Variants in ENTHD1 observed in about 807,000 individuals in gnomAD.
The protein encoded by ENTHD1 is ENTH domain-containing protein 1.
Under a neutral mutation model 39.1 loss-of-function variants are expected in ENTHD1, and 23 were observed. The observed-to-expected ratio is 0.59, with a 90% CI of 0.42 to 0.83. The LOEUF is 0.83. Among genes scored for constraint, ENTHD1 ranks in the 40% least tolerant of loss-of-function variants. ENTHD1 has a pLI of 0.00. For synonymous variants in ENTHD1, 230 were observed against 258.2 expected (o/e 0.89, Z 1.05); for missense variants, 624 against 705.4 (o/e 0.88, Z 1.31).
At chr22:39,868,376 A>G (rs1031989225) in intron 2 of ENTHD1, among the ~76,000 whole-genome samples, 3 of 151,968 alleles carry the variant, frequency 2.0e-5, no homozygotes, top group African/African-American at 7.2e-5. Context: ...AAGGAAGGAA[A>G]TGAACATGAG....
chr22:39,758,256 T>A (rs1312306145), intron 6 of ENTHD1, among the ~76,000 whole-genome samples: 1 of 152,190 alleles, frequency 6.6e-6, no homozygotes, highest in Non-Finnish European at 1.5e-5. Flanking sequence ...ATGCCTTTTA[T>A]TTATTTTTCT....
intron 2 of ENTHD1, among the ~76,000 whole-genome samples, chr22:39,866,107 C>T (rs573152853): frequency 1.3e-5 from 2 of 152,260 alleles, no homozygotes; most frequent in South Asian, 2.1e-4. Flanking sequence ...GGTGTGATGC[C>T]ACGATTGGCA....
chr22:39,824,201 C>CT (rs71197195), intron 4 of ENTHD1, among the ~76,000 whole-genome samples: 56,274 of 71,444 alleles, frequency 0.79, 25,983 homozygotes, highest in East Asian at 0.82. Context: ...TTGTCCAGTT[C>CT]TTTTTTTTTT....
chr22:39,786,851 T>A (rs1195315592), intron 5 of ENTHD1, among the ~76,000 whole-genome samples: 1 of 152,232 alleles, frequency 6.6e-6, no homozygotes, highest in Non-Finnish European at 1.5e-5. Flanking sequence ...TTTATTCATG[T>A]TGTCACAAAT....
chr22:39,801,588 G>A (rs573181612), intron 5 of ENTHD1, among the ~76,000 whole-genome samples: 1 of 152,336 alleles, frequency 6.6e-6, no homozygotes, highest in South Asian at 2.1e-4. Flanking sequence ...ACTTTGCCTA[G>A]TCCTCTAAAG....
At chr22:39,806,939 G>A (rs565102709) in intron 5 of ENTHD1, among the ~76,000 whole-genome samples, 1 of 152,132 alleles carries the variant, frequency 6.6e-6, no homozygotes, top group Non-Finnish European at 1.5e-5. Flanking sequence ...GGTGTTTGGG[G>A]GAAGCAGTTC....
At chr22:39,751,794 CTGTTAAA>C (rs1008249235) in intron 6 of ENTHD1, among the ~76,000 whole-genome samples, 1 of 152,134 alleles carries the variant, frequency 6.6e-6, no homozygotes, top group African/African-American at 2.4e-5. Context: ...CTGATTTTGA[CTGTTAAA>C]TGTTAAAAGT....
At chr22:39,874,944 C>A (rs769053150) in intron 2 of ENTHD1, among the ~76,000 whole-genome samples, 8 of 152,150 alleles carry the variant, frequency 5.3e-5, no homozygotes, top group Non-Finnish European at 1.2e-4. Context: ...AGTTTCTAGT[C>A]ATATTTAATG....
At chr22:39,778,327 T>C (rs998502716) in intron 5 of ENTHD1, among the ~76,000 whole-genome samples, 2 of 152,138 alleles carry the variant, frequency 1.3e-5, no homozygotes, top group African/African-American at 2.4e-5. Context: ...AACCTGCCAA[T>C]TCTAGGAAGG....
intron 6 of ENTHD1, among the ~76,000 whole-genome samples, chr22:39,759,309 C>A (rs1049829620): frequency 2.0e-5 from 3 of 151,768 alleles, no homozygotes; most frequent in African/African-American, 7.3e-5. Flanking sequence ...GTCTTTTTTC[C>A]CCAGCTTATT....
At chr22:39,840,202 T>C (rs1448408785) in intron 3 of ENTHD1, among the ~76,000 whole-genome samples, 2 of 152,180 alleles carry the variant, frequency 1.3e-5, no homozygotes, top group Non-Finnish European at 2.9e-5. Flanking sequence ...TGAAGACTAG[T>C]ATGTGAATGA....
intron 4 of ENTHD1, among the ~76,000 whole-genome samples, chr22:39,829,096 T>C (rs1230261183): frequency 6.6e-6 from 1 of 152,200 alleles, no homozygotes; most frequent in African/African-American, 2.4e-5. Context: ...ACTGTTCAAC[T>C]TACTAGGTTT....
chr22:39,809,378 C>G (rs1391126094), intron 5 of ENTHD1, among the ~76,000 whole-genome samples: 2 of 152,108 alleles, frequency 1.3e-5, no homozygotes, highest in Non-Finnish European at 2.9e-5. Flanking sequence ...AGTGAATGAG[C>G]AGAGAAGAGG....
At chr22:39,827,355 A>C (rs1013721284) in intron 4 of ENTHD1, among the ~76,000 whole-genome samples, 1 of 152,154 alleles carries the variant, frequency 6.6e-6, no homozygotes, top group African/African-American at 2.4e-5. Flanking sequence ...CATTTAATAA[A>C]GATTTTATAA....
At chr22:39,794,803 C>CAAA (rs751655466) in intron 5 of ENTHD1, among the ~76,000 whole-genome samples, 1 of 82,396 alleles carries the variant, frequency 1.2e-5, no homozygotes, top group Non-Finnish European at 2.6e-5. Flanking sequence ...GACTCCATCT[C>CAAA]AAAAAAAAAA....
intron 5 of ENTHD1, among the ~76,000 whole-genome samples, chr22:39,785,587 T>C (rs2065450055): frequency 6.6e-6 from 1 of 152,212 alleles, no homozygotes; most frequent in African/African-American, 2.4e-5. Flanking sequence ...TGGCCATCCA[T>C]GCCGTCTGTA....
At chr22:39,803,015 C>T (rs2065611036) in intron 5 of ENTHD1, among the ~76,000 whole-genome samples, 1 of 152,164 alleles carries the variant, frequency 6.6e-6, no homozygotes, top group African/African-American at 2.4e-5. Context: ...CGCACTTCCT[C>T]CCCTATCTCC....
At chr22:39,846,291 C>T (rs2065987903) in intron 3 of ENTHD1, among the ~76,000 whole-genome samples, 1 of 152,164 alleles carries the variant, frequency 6.6e-6, no homozygotes, top group African/African-American at 2.4e-5. Flanking sequence ...GCCTCTACCG[C>T]TCAGGCTCAA....
chr22:39,769,025 A>C (rs554008405), intron 5 of ENTHD1, among the ~76,000 whole-genome samples: 1 of 151,988 alleles, frequency 6.6e-6, no homozygotes, highest in South Asian at 2.1e-4. Flanking sequence ...TATACACACT[A>C]ACTTGTGTAT....
Sources: allele counts gnomAD v4.1 joint callset (sites outside exome capture counted in the v4.1 genomes callset), GRCh38; gene constraint gnomAD v4.1.1; transcripts MANE v1.5; gene names NCBI Gene and HGNC (gene_info 2026-07-23, HGNC 2026-07-21).